Variants in CALD1 observed in about 807,000 individuals in gnomAD.
CALD1 encodes caldesmon 1.
A neutral mutation model predicts 99.9 loss-of-function variants in CALD1; 33 were observed. That is an observed-to-expected ratio of 0.33 (90% confidence interval 0.25 to 0.44). CALD1 has a LOEUF of 0.44. CALD1 is among the 20% of genes least tolerant of loss of function. The pLI is 1.00. For missense variants in CALD1, 861 were observed against 962.1 expected (o/e 0.89, Z 1.39); for synonymous variants, 310 against 325.0 (o/e 0.95, Z 0.50).
chr7:134,962,029 C>T (rs1808305851), intron 13 of CALD1: 1 of 152,036 alleles, frequency 6.6e-6, no homozygotes, highest in Admixed American at 6.6e-5. Flanking sequence ...CTGAGTAACT[C>T]TCAAGATAGT....
intron 3 of CALD1, among the ~76,000 whole-genome samples, chr7:134,914,382 T>C (rs1368896843): frequency 1.3e-5 from 2 of 152,218 alleles, no homozygotes; most frequent in Non-Finnish European, 2.9e-5. Flanking sequence ...GGATCCTTGA[T>C]ATGGGGTAGC....
intron 1 of CALD1, among the ~76,000 whole-genome samples, chr7:134,818,058 G>A (rs929625480): frequency 6.6e-6 from 1 of 152,064 alleles, no homozygotes; most frequent in Non-Finnish European, 1.5e-5. Context: ...TGCACAGATA[G>A]CATTCCTTGA....
intron 3 of CALD1, among the ~76,000 whole-genome samples, chr7:134,884,578 G>A (rs946137417): frequency 4.7e-5 from 7 of 150,492 alleles, no homozygotes; most frequent in African/African-American, 1.2e-4. Flanking sequence ...CCTGATACCT[G>A]TCGATTCTGG....
intron 2 of CALD1, among the ~76,000 whole-genome samples, chr7:134,861,082 G>A (rs1012335851): frequency 6.6e-6 from 1 of 152,170 alleles, no homozygotes; most frequent in Non-Finnish European, 1.5e-5. Context: ...TGGGAAGGAG[G>A]AAGAAGCATG....
chr7:134,892,854 T>C (rs1388125325), intron 3 of CALD1, among the ~76,000 whole-genome samples: 1 of 152,120 alleles, frequency 6.6e-6, no homozygotes, highest in Non-Finnish European at 1.5e-5. Context: ...ACTGCACAAT[T>C]CTACCCCTCT....
At chr7:134,877,649 A>G (rs1801414124) in intron 3 of CALD1, among the ~76,000 whole-genome samples, 1 of 152,222 alleles carries the variant, frequency 6.6e-6, no homozygotes, top group Non-Finnish European at 1.5e-5. Context: ...TGAACAATAC[A>G]GTATAACAAC....
intron 2 of CALD1, among the ~76,000 whole-genome samples, chr7:134,857,068 T>TA (rs2132254821): frequency 6.6e-6 from 1 of 151,540 alleles, no homozygotes; most frequent in South Asian, 2.1e-4. Context: ...AGCTATAGAC[T>TA]AAGTGCTCCA....
intron 3 of CALD1, among the ~76,000 whole-genome samples, chr7:134,895,298 A>ATGTGTG (rs71172482): frequency 0.011 from 1,585 of 138,662 alleles, 31 homozygotes; most frequent in African/African-American, 0.032. Context: ...TTATATATGT[A>ATGTGTG]TGTGTGTGTG....
chr7:134,809,949 T>C (rs1354207881), intron 1 of CALD1, among the ~76,000 whole-genome samples: 1 of 151,788 alleles, frequency 6.6e-6, no homozygotes, highest in Non-Finnish European at 1.5e-5. Flanking sequence ...AGTTTAAGGG[T>C]TTTTCCCCCA....
chr7:134,796,049 C>A (rs188701501), intron 1 of CALD1, among the ~76,000 whole-genome samples: 37 of 152,318 alleles, frequency 2.4e-4, no homozygotes, highest in African/African-American at 8.4e-4. Flanking sequence ...AATAAAACAA[C>A]GGCTCTTTCC....
chr7:134,768,260 C>T (rs1336377095), intron 1 of CALD1, among the ~76,000 whole-genome samples: 1 of 152,200 alleles, frequency 6.6e-6, no homozygotes, highest in East Asian at 1.9e-4. Context: ...GGTCCTCAGC[C>T]TTATTCCGGA....
At chr7:134,850,891 T>C (rs1486609279) in intron 2 of CALD1, among the ~76,000 whole-genome samples, 1 of 152,136 alleles carries the variant, frequency 6.6e-6, no homozygotes, top group African/African-American at 2.4e-5. Context: ...AGTGAATAAG[T>C]CTCACAAGAT....
intron 2 of CALD1, among the ~76,000 whole-genome samples, chr7:134,854,870 G>C (rs572938830): frequency 6.6e-6 from 1 of 152,314 alleles, no homozygotes; most frequent in Non-Finnish European, 1.5e-5. Flanking sequence ...TGTTGGAGGA[G>C]GGGCCTGGTG....
chr7:134,943,659 C>G (rs941381007), intron 7 of CALD1, among the ~76,000 whole-genome samples: 1 of 151,868 alleles, frequency 6.6e-6, no homozygotes, highest in African/African-American at 2.4e-5. Flanking sequence ...TATAAAAACG[C>G]TCAGAAAATA....
intron 1 of CALD1, among the ~76,000 whole-genome samples, chr7:134,748,116 G>T (rs966400881): frequency 6.6e-6 from 1 of 152,252 alleles, no homozygotes; most frequent in Non-Finnish European, 1.5e-5. Context: ...GAGCCAAAAA[G>T]ATTATGCTTG....
intron 3 of CALD1, among the ~76,000 whole-genome samples, chr7:134,903,676 T>C (rs1297621869): frequency 1.3e-5 from 2 of 152,062 alleles, no homozygotes; most frequent in Non-Finnish European, 2.9e-5. Flanking sequence ...TCTGTGCAGG[T>C]CTGTCTGTGT....
intron 1 of CALD1, among the ~76,000 whole-genome samples, chr7:134,785,285 A>G (rs1244338125): frequency 6.6e-6 from 1 of 152,210 alleles, no homozygotes; most frequent in Admixed American, 6.5e-5. Context: ...AACTGAAAGG[A>G]TAAGAATCAT....
intron 1 of CALD1, among the ~76,000 whole-genome samples, chr7:134,781,985 G>A (rs1463562367): frequency 6.6e-6 from 1 of 152,194 alleles, no homozygotes; most frequent in Non-Finnish European, 1.5e-5. Flanking sequence ...GTCTTAGGTA[G>A]ATAGAATAAG....
In CALD1 at chr7:134,933,720, G is replaced by A. The variant is rs117593246; in HGVS notation, c.951G>A (p.Met317Ile). 4.5e-4 allele frequency: 704 copies of A among 1,563,830 alleles called. 16 individuals carry two copies. In the East Asian group the frequency reaches 0.017, roughly 37 times the overall value. ...GAGAGGCAGAAGAGAGGGAAAGGAT[G>A]AGGGAGGAAGAGAAAAGGGCAGCAG... The part of the protein sequence containing the change: ...ERREAEERER[M>I]REEEKRAAEE... The change falls in exon 5 of 15, where the codon ATG becomes ATA. Residue 317 changes from methionine (M) to isoleucine (I), a missense_variant. By Grantham distance (10) the Met-to-Ile change is conservative. Around this residue, in one of 5 missense-constraint regions of CALD1, gnomAD observed 234 missense variants for 233.1 expected, o/e 1.00. Coordinates refer to ENST00000361675, the MANE Select transcript of CALD1 (RefSeq NM_033138.4).
Sources: allele counts gnomAD v4.1 joint callset (sites outside exome capture counted in the v4.1 genomes callset), GRCh38; gene constraint gnomAD v4.1.1; regional missense constraint gnomAD v4.1.1; transcripts MANE v1.5; gene names NCBI Gene and HGNC (gene_info 2026-07-23, HGNC 2026-07-21).